The following PRR16 variants were observed in gnomAD, a reference collection of about 807,000 sequenced individuals.
PRR16 encodes the protein proline rich 16.
A neutral mutation model predicts 18.2 loss-of-function variants in PRR16; 6 were observed. The observed-to-expected ratio is 0.33, with a 90% confidence interval of 0.18 to 0.65. The LOEUF is 0.65. Among genes scored for constraint, PRR16 ranks in the 30% least tolerant of loss-of-function variants. PRR16 has a pLI of 0.74. For missense variants in PRR16, 412 were observed against 376.6 expected (o/e 1.09, Z -0.78); for synonymous variants, 151 against 147.8 (o/e 1.02, Z -0.16).
chr5:120,488,251 G>A (rs1329080561), intron 1 of PRR16, among the ~76,000 whole-genome samples: 2 of 152,162 alleles, frequency 1.3e-5, no homozygotes, highest in Non-Finnish European at 2.9e-5. Flanking sequence ...ACCTCTGGTA[G>A]AATTCGGCTG....
chr5:120,730,944 T>G, the PRR16 span, among the ~76,000 whole-genome samples: 1 of 152,284 alleles, frequency 6.6e-6, no homozygotes, highest in Non-Finnish European at 1.5e-5. Context: ...GTCTAAAAAC[T>G]GTTCATATGG....
intron 1 of PRR16, among the ~76,000 whole-genome samples, chr5:120,508,682 C>T (rs1171669963): frequency 6.6e-6 from 1 of 152,092 alleles, no homozygotes; most frequent in East Asian, 1.9e-4. Context: ...TTAACAGAGA[C>T]TTATTTGGAT....
chr5:120,748,740 T>A, the PRR16 span, among the ~76,000 whole-genome samples: 67 of 152,122 alleles, frequency 4.4e-4, no homozygotes, highest in African/African-American at 1.5e-3. Context: ...ATGTCATAAA[T>A]CCTTGAGGGA....
intron 1 of PRR16, among the ~76,000 whole-genome samples, chr5:120,666,624 C>A (rs1756386738): frequency 6.6e-6 from 1 of 151,776 alleles, no homozygotes; most frequent in African/African-American, 2.4e-5. Flanking sequence ...TTATTTTGAG[C>A]TATGTCCCAT....
At chr5:120,554,097 T>G (rs1752339680) in intron 1 of PRR16, among the ~76,000 whole-genome samples, 1 of 151,876 alleles carries the variant, frequency 6.6e-6, no homozygotes, top group Non-Finnish European at 1.5e-5. Context: ...AGAATCAAAT[T>G]TTTAAAATCA....
chr5:120,716,405 G>A, the PRR16 span, among the ~76,000 whole-genome samples: 3 of 152,160 alleles, frequency 2.0e-5, no homozygotes, highest in Non-Finnish European at 4.4e-5. Flanking sequence ...ACCAGCATCA[G>A]ATATTTGTGG....
chr5:120,754,330 TTATA>T, the PRR16 span, among the ~76,000 whole-genome samples: 2 of 77,688 alleles, frequency 2.6e-5, no homozygotes, highest in South Asian at 4.0e-4. Flanking sequence ...ATATTATATG[TTATA>T]TATAAATATA....
the PRR16 span, among the ~76,000 whole-genome samples, chr5:120,737,926 A>G: frequency 6.6e-6 from 1 of 152,026 alleles, no homozygotes; most frequent in Non-Finnish European, 1.5e-5. Flanking sequence ...GTATTCTATT[A>G]CTTGTCCCTA....
At chr5:120,561,844 T>A (rs148393750) in intron 1 of PRR16, among the ~76,000 whole-genome samples, 94 of 152,280 alleles carry the variant, frequency 6.2e-4, no homozygotes, top group Middle Eastern at 6.8e-3. Context: ...CACTGTCATG[T>A]AAGAAGTGCC....
At chr5:120,647,717 T>C (rs1755645548) in intron 1 of PRR16, among the ~76,000 whole-genome samples, 1 of 152,130 alleles carries the variant, frequency 6.6e-6, no homozygotes, top group African/African-American at 2.4e-5. Context: ...TTTATGATCC[T>C]TTTACATTTT....
chr5:120,565,905 T>A (rs917715077), intron 1 of PRR16, among the ~76,000 whole-genome samples: 10 of 152,212 alleles, frequency 6.6e-5, no homozygotes, highest in Admixed American at 1.3e-4. Flanking sequence ...TTTCAAATAA[T>A]TTTTCCCCTG....
At chr5:120,701,531 C>T in the PRR16 span, among the ~76,000 whole-genome samples, 6 of 152,002 alleles carry the variant, frequency 3.9e-5, no homozygotes, top group Admixed American at 1.3e-4. Flanking sequence ...GGGCTAGTCA[C>T]GGAACGAAAC....
the PRR16 span, among the ~76,000 whole-genome samples, chr5:120,760,645 C>CT: frequency 6.6e-6 from 1 of 152,086 alleles, no homozygotes; most frequent in Non-Finnish European, 1.5e-5. Flanking sequence ...CTAATAAATA[C>CT]TTTCATTTTT....
chr5:120,609,812 A>G (rs1754278039), intron 1 of PRR16, among the ~76,000 whole-genome samples: 1 of 152,194 alleles, frequency 6.6e-6, no homozygotes, highest in African/African-American at 2.4e-5. Flanking sequence ...TTTCTGGAAT[A>G]ATAATAGTCT....
chr5:120,671,900 A>G (rs976984855), intron 1 of PRR16, among the ~76,000 whole-genome samples: 1 of 152,222 alleles, frequency 6.6e-6, no homozygotes, highest in Non-Finnish European at 1.5e-5. Flanking sequence ...AAAGTTTATA[A>G]TCAAGCACAA....
At chr5:120,627,662 G>A (rs1306237806) in intron 1 of PRR16, among the ~76,000 whole-genome samples, 1 of 152,036 alleles carries the variant, frequency 6.6e-6, no homozygotes, top group Non-Finnish European at 1.5e-5. Context: ...TTTAACTATT[G>A]TGCTGGCTGG....
chr5:120,762,857 G>A, the PRR16 span, among the ~76,000 whole-genome samples: 21 of 152,136 alleles, frequency 1.4e-4, no homozygotes, highest in South Asian at 4.2e-4. Context: ...TTGCCAATAC[G>A]AATGTCGTTA....
intron 1 of PRR16, among the ~76,000 whole-genome samples, chr5:120,500,836 G>A (rs796103772): frequency 7.9e-5 from 12 of 152,160 alleles, no homozygotes; most frequent in African/African-American, 2.9e-4. Context: ...TCCATGAGGA[G>A]ATAATCATAA....
chr5:120,614,678 A>G (rs1580789115), intron 1 of PRR16, among the ~76,000 whole-genome samples: 3 of 152,352 alleles, frequency 2.0e-5, no homozygotes, highest in South Asian at 2.1e-4. Context: ...CTATTGCTGA[A>G]TAAGTTCACA....
Sources: gnomAD v4.1 joint callset for allele counts (sites outside exome capture counted in the v4.1 genomes callset) on GRCh38, gnomAD v4.1.1 for gene constraint, MANE v1.5 for transcripts, NCBI Gene and HGNC (gene_info 2026-07-23, HGNC 2026-07-21) for gene names.